The following TAOK1 variants were observed in gnomAD, a reference collection of about 807,000 sequenced individuals.
TAOK1 encodes the protein serine/threonine-protein kinase TAO1.
Under a neutral mutation model 138.3 loss-of-function variants are expected in TAOK1, and 21 were observed. That is an observed-to-expected ratio of 0.15 (90% CI 0.11 to 0.22). The LOEUF is 0.22. Among genes scored for constraint, TAOK1 ranks in the 10% least tolerant of loss-of-function variants. TAOK1 has a pLI of 1.00. For synonymous variants in TAOK1, 361 were observed against 398.4 expected (o/e 0.91, Z 1.12); for missense variants, 651 against 1,227.7 (o/e 0.53, Z 7.02).
rs151078375 is a variant in TAOK1, at chr17:29,453,801, G to GT, written c.132+2128dup. 6.6e-4 allele frequency among the ~76,000 whole-genome samples: 94 copies of GT among 141,868 alleles called. 1 individual carries two copies. The highest frequency in any genetic ancestry group is 4.6e-4 in the Non-Finnish European group (30 of 65,684). 93.1% of individuals were successfully genotyped at this position (141,868 alleles called of 152,430 possible). A position where few individuals can be genotyped will look rare whatever the true frequency, so the allele number is the denominator to read the frequency against. Reference sequence around the variant, plus strand: ...TAGAGGTCTAACTTCATTCACTTAGGTTTTTTTGTTTTTTTTTTTTTTGAG... The same window carrying GT: ...TAGAGGTCTAACTTCATTCACTTAGGTTTTTTTTGTTTTTTTTTTTTTTGAG... On this transcript the variant is annotated intron_variant, in intron 2 of 19. Transcript: ENST00000261716.
chr17:29,418,129 C>T (rs767530271), intron 1 of TAOK1, among the ~76,000 whole-genome samples: 2 of 152,140 alleles, frequency 1.3e-5, no homozygotes, highest in Non-Finnish European at 2.9e-5. Context: ...TGAAGCAATC[C>T]ATCTGCCTCA....
chr17:29,392,411 T>G (rs57810490), intron 1 of TAOK1, among the ~76,000 whole-genome samples: 2,328 of 152,302 alleles, frequency 0.015, 57 homozygotes, highest in African/African-American at 0.053. Context: ...TATTCTATGA[T>G]CTATTTTCTG....
intron 12 of TAOK1, among the ~76,000 whole-genome samples, chr17:29,499,508 A>G (rs1172237283): frequency 1.3e-5 from 2 of 151,382 alleles, no homozygotes; most frequent in African/African-American, 4.9e-5. Context: ...CTGGGATTAC[A>G]GGTGTGAGCC....
At chr17:29,489,196 C>G (rs913259611) in intron 8 of TAOK1, among the ~76,000 whole-genome samples, 1 of 152,070 alleles carries the variant, frequency 6.6e-6, no homozygotes, top group Admixed American at 6.6e-5. Flanking sequence ...TCAATTGATT[C>G]ACTTGAAGAA....
chr17:29,447,054 T>TA (rs1567720774), intron 1 of TAOK1, among the ~76,000 whole-genome samples: 1 of 150,750 alleles, frequency 6.6e-6, no homozygotes, highest in Non-Finnish European at 1.5e-5. Flanking sequence ...TTTTTTTTTT[T>TA]AAGGGAAGAG....
intron 2 of TAOK1, among the ~76,000 whole-genome samples, chr17:29,466,668 A>G (rs926503065): frequency 2.6e-5 from 4 of 152,120 alleles, no homozygotes; most frequent in Non-Finnish European, 5.9e-5. Flanking sequence ...TCCTTTGGTA[A>G]AACTGTTTTT....
intron 1 of TAOK1, among the ~76,000 whole-genome samples, chr17:29,427,217 T>C (rs1905668441): frequency 6.6e-6 from 1 of 152,216 alleles, no homozygotes. Flanking sequence ...CCCTGAAAAC[T>C]TAACCTGGAG....
chr17:29,414,642 C>T (rs147310761), intron 1 of TAOK1, among the ~76,000 whole-genome samples: 158 of 152,060 alleles, frequency 1.0e-3, no homozygotes, highest in African/African-American at 3.4e-3. Flanking sequence ...TTGCAACCTC[C>T]GCCTCCCGGG....
intron 17 of TAOK1, among the ~76,000 whole-genome samples, chr17:29,524,399 A>G (rs965448068): frequency 6.6e-6 from 1 of 152,168 alleles, no homozygotes; most frequent in African/African-American, 2.4e-5. Context: ...TGGGTGATGG[A>G]TAGGTGTTTG....
At chr17:29,522,607 C>T (rs1054060881) in intron 17 of TAOK1, 88 bp downstream of exon 17, 115 of 1,523,738 alleles carry the variant, frequency 7.5e-5, no homozygotes, top group Non-Finnish European at 9.3e-5. Context: ...GATGTCTAGT[C>T]ATAAAGAAAT....
At chr17:29,409,829 G>A (rs1057445252) in intron 1 of TAOK1, among the ~76,000 whole-genome samples, 2 of 152,156 alleles carry the variant, frequency 1.3e-5, no homozygotes, top group African/African-American at 4.8e-5. Context: ...GTGAGAGGGT[G>A]TATGTGTGTG....
intron 1 of TAOK1, among the ~76,000 whole-genome samples, chr17:29,409,979 C>CT (rs776730106): frequency 1.3e-5 from 2 of 152,216 alleles, no homozygotes; most frequent in South Asian, 4.1e-4. Flanking sequence ...TGGAAGCACT[C>CT]TATCTGTAAA....
chr17:29,465,389 A>G (rs1328357362), intron 2 of TAOK1, among the ~76,000 whole-genome samples: 2 of 151,836 alleles, frequency 1.3e-5, no homozygotes, highest in African/African-American at 2.4e-5. Flanking sequence ...TGACCTCGCA[A>G]TCCGCGCGTC....
intron 12 of TAOK1, among the ~76,000 whole-genome samples, chr17:29,499,881 G>T (rs2031492608): frequency 6.6e-6 from 1 of 152,088 alleles, no homozygotes; most frequent in Admixed American, 6.6e-5. Context: ...AAATAAAGCT[G>T]AATGTAATTG....
chr17:29,547,761 A>T lies in TAOK1; in HGVS notation c.*4739A>T, dbSNP rs1214881737. 6.6e-6 allele frequency: 1 copy of T among 152,094 alleles called. No individual in the cohort carries two copies. Among genetic ancestry groups the T allele is most frequent in the Admixed American group, 6.6e-5 (1 of 15,262 alleles). 9.4% of individuals were successfully genotyped at this position (152,094 alleles called of 1,614,324 possible). A position where few individuals can be genotyped will look rare whatever the true frequency, so the allele number is the denominator to read the frequency against. ...CCCCATCTAACATGATAGTGCCCCC[A>T]ACCAGGTTGTAGCATTGCCTTTTAA... On this transcript the variant is annotated 3_prime_UTR_variant, in exon 20 of 20. Coordinates refer to ENST00000261716, the MANE Select transcript of TAOK1 (RefSeq NM_020791.4).
At chr17:29,483,576 A>C (rs1459395057) in intron 8 of TAOK1, among the ~76,000 whole-genome samples, 1 of 152,194 alleles carries the variant, frequency 6.6e-6, no homozygotes, top group Non-Finnish European at 1.5e-5. Context: ...TATTACAACC[A>C]GACTACCTTG....
intron 1 of TAOK1, among the ~76,000 whole-genome samples, chr17:29,410,622 T>G (rs1260183225): frequency 5.3e-5 from 8 of 150,288 alleles, no homozygotes; most frequent in South Asian, 2.1e-4. Flanking sequence ...GTTTTTTGTT[T>G]TTTTTTTTTT....
rs1567747962 is a variant in TAOK1 at position 29,533,841 on chromosome 17, G to GACC, written c.2362-277_2362-276insACC. Among the ~76,000 whole-genome samples, 154 of 147,166 alleles carry GACC rather than the reference G, an allele frequency of 1.0e-3. No homozygotes were observed. The Middle Eastern group carries it at 0.017, about 17-fold the overall frequency. ...CAGAGGGAGACCGTGGGGAGAGGGA[G>GACC]GGGGAGGGGGAGAGGGGATTCTAGG... is the stretch of plus-strand genomic sequence containing the variant. On this transcript the variant is annotated intron_variant, in intron 18 of 19. Transcript: ENST00000261716.
intron 12 of TAOK1, among the ~76,000 whole-genome samples, chr17:29,499,325 A>G (rs867235907): frequency 6.2e-5 from 9 of 145,578 alleles, no homozygotes; most frequent in African/African-American, 7.7e-5. Context: ...TCCACCTCTC[A>G]GTTTCAAGCG....
Sources: allele counts gnomAD v4.1 joint callset (sites outside exome capture counted in the v4.1 genomes callset), GRCh38; gene constraint gnomAD v4.1.1; transcripts MANE v1.5; gene names NCBI Gene and HGNC (gene_info 2026-07-23, HGNC 2026-07-21).